NIPBL: variants seen among roughly 807,000 people sequenced by gnomAD.
The protein encoded by NIPBL is NIPBL cohesin loading factor.
Under a neutral mutation model 321.8 loss-of-function variants are expected in NIPBL, and 19 were observed. The observed-to-expected ratio is 0.06, with a 90% CI of 0.04 to 0.09. NIPBL has a LOEUF of 0.09. Among genes scored for constraint, NIPBL ranks in the 10% least tolerant of loss-of-function variants. NIPBL has a pLI of 1.00. For synonymous variants in NIPBL, 1,106 were observed against 1,114.1 expected, an observed-to-expected ratio of 0.99 and a Z score of 0.14; for missense variants, 2,210 against 3,327.0, an observed-to-expected ratio of 0.66 and a Z score of 8.26.
At chr5:36,898,856 G>T (rs1203835203) in intron 1 of NIPBL, among the ~76,000 whole-genome samples, 1 of 151,968 alleles carries the variant, frequency 6.6e-6, no homozygotes, top group Non-Finnish European at 1.5e-5. Flanking sequence ...TTAAAATTTA[G>T]TCTTTAACTT....
chr5:37,015,990 C>T (rs977384738), intron 22 of NIPBL, 48 bp from the exon 23 acceptor site: 1 of 1,600,360 alleles, frequency 6.2e-7, no homozygotes, highest in Non-Finnish European at 8.6e-7. Flanking sequence ...AGATGACTGA[C>T]ATGTGTCACC....
intron 14 of NIPBL, among the ~76,000 whole-genome samples, chr5:37,001,645 A>G (rs1308022474): frequency 6.6e-6 from 1 of 152,142 alleles, no homozygotes; most frequent in African/African-American, 2.4e-5. Flanking sequence ...TAAGTGCTGG[A>G]GATGTAAAAA....
At position 36,985,285 on chromosome 5, in the gene NIPBL, C is replaced by T. The variant is rs372162252; in HGVS notation, c.2105C>T (p.Thr702Ile). 48 of 1,613,442 alleles carry T rather than the reference C, an allele frequency of 3.0e-5. No homozygotes were observed. The East Asian group carries it at 1.0e-3, about 34-fold the overall frequency. The part of the protein sequence containing the change: ...RSETTKSRPE[T>I]PKQKGESRPE... ...GAAACAACAAAATCAAGGCCTGAAA[C>T]CCCAAAGCAAAAGGGTGAAAGCCGG... The change falls in exon 10 of 47, where the codon ACC (threonine) becomes ATC (isoleucine). Residue 702 changes from threonine to isoleucine, a missense_variant. By Grantham distance (89) the Thr-to-Ile change is moderately conservative. Around this residue, in one of 14 missense-constraint regions of NIPBL, gnomAD observed 588 missense variants for 564.1 expected, o/e 1.04. Transcript: ENST00000282516.
rs146267319 is a variant in NIPBL, at chr5:36,915,374, T to A, written c.-80+38196T>A. 2.0e-4 allele frequency among the ~76,000 whole-genome samples: 31 copies of A among 152,280 alleles called. No individual in the cohort carries two copies. The East Asian group carries it at 4.2e-3, about 21-fold the overall frequency. ...ATTTTAAATCTAGTTATAAACAAAG[T>A]CAGTTAACCAGATTCTTCAATGGAC... On this transcript the variant is annotated intron_variant, in intron 1 of 46. Transcript: ENST00000282516.
Position 37,045,477 on chromosome 5 carries a change from G to A in NIPBL, c.6378G>A (p.Glu2126=), listed in dbSNP as rs1435161681. 1.9e-6 allele frequency: 3 copies of A among 1,613,556 alleles called. No homozygotes were observed. The highest frequency in any genetic ancestry group is 1.6e-4 in the Middle Eastern group (1 of 6,062). The change falls in exon 37 of 47, where the codon GAG becomes GAA. Residue 2126 remains glutamate, a synonymous_variant. Coordinates refer to ENST00000282516, the MANE Select transcript of NIPBL (RefSeq NM_133433.4). ...CAAAATTAAAAAGTCAACACCAAGA[G>A]GACCCAAATAACACTTCACTTCTAA... ...AISKLKSQHQ[E]DPNNTSLLTN...
chr5:37,043,301 A>G (rs184012571), intron 34 of NIPBL, among the ~76,000 whole-genome samples: 4 of 152,192 alleles, frequency 2.6e-5, no homozygotes, highest in African/African-American at 9.6e-5. Context: ...AGGCCGAGGC[A>G]GGTGGATCAC....
At chr5:36,901,199 G>A (rs1324145328) in intron 1 of NIPBL, among the ~76,000 whole-genome samples, 1 of 152,080 alleles carries the variant, frequency 6.6e-6, no homozygotes, top group African/African-American at 2.4e-5. Context: ...TGCAGTATTT[G>A]ATTTTTTTGT....
chr5:36,890,786 A>C (rs991338805), intron 1 of NIPBL, among the ~76,000 whole-genome samples: 2 of 152,258 alleles, frequency 1.3e-5, no homozygotes, highest in African/African-American at 4.8e-5. Flanking sequence ...GATATTGTAG[A>C]TTGGAATGTA....
intron 9 of NIPBL, among the ~76,000 whole-genome samples, chr5:36,983,163 T>G (rs972733405): frequency 6.6e-6 from 1 of 151,940 alleles, no homozygotes; most frequent in African/African-American, 2.4e-5. Context: ...TATAAATTCT[T>G]ACCATGTTAG....
intron 34 of NIPBL, 50 bp from the exon 35 acceptor site, chr5:37,044,297 T>C: frequency 6.4e-7 from 1 of 1,554,096 alleles, no homozygotes; most frequent in Admixed American, 1.7e-5. Context: ...CTGTATATAG[T>C]TTCTTTTCAG....
intron 1 of NIPBL, among the ~76,000 whole-genome samples, chr5:36,940,537 G>A (rs1319103886): frequency 1.3e-5 from 2 of 151,874 alleles, no homozygotes. Flanking sequence ...TTCTTCTTCC[G>A]CCTTTGCCTG....
At chr5:37,018,110 T>C (rs929221792) in intron 24 of NIPBL, among the ~76,000 whole-genome samples, 8 of 152,092 alleles carry the variant, frequency 5.3e-5, no homozygotes, top group African/African-American at 1.9e-4. Context: ...CTAACAAAAG[T>C]ACAAATTCTT....
chr5:36,876,946 T>G lies in NIPBL; in HGVS notation c.-312T>G. 2.9e-6 allele frequency: 1 copy of G among 347,928 alleles called. No individual in the cohort carries two copies. The highest frequency in any genetic ancestry group is 5.1e-6 in the Non-Finnish European group (1 of 194,364). The allele number at this position is 347,928 out of a possible 1,614,324, so 21.6% of individuals were successfully genotyped here. ...CGGGCCCGCGGCGATGCCCCCCCGGTAGCTCGGGCCCGTGGTCGGGTGTTT... is the reference window on the plus strand; with the variant it reads ...CGGGCCCGCGGCGATGCCCCCCCGGGAGCTCGGGCCCGTGGTCGGGTGTTT... On this transcript the variant is annotated 5_prime_UTR_variant, in exon 1 of 47. The change abolishes the stop of an existing upstream ORF in the 5' untranslated region. Coordinates refer to ENST00000282516, the MANE Select transcript of NIPBL (RefSeq NM_133433.4).
At chr5:37,031,913 G>A (rs1751067070) in intron 32 of NIPBL, among the ~76,000 whole-genome samples, 1 of 152,148 alleles carries the variant, frequency 6.6e-6, no homozygotes, top group African/African-American at 2.4e-5. Context: ...ATCTATACTG[G>A]AAAAAATCAG....
Position 36,885,209 on chromosome 5 carries a change from AG to A in NIPBL, c.-80+8032del, listed in dbSNP as rs1011131322. ...CTCGCTCTCCTCCCTGGACAGCATGAGCTTCACCACTTGCTCCACCTTCTCC... is the reference window on the plus strand; with the variant it reads ...CTCGCTCTCCTCCCTGGACAGCATGACTTCACCACTTGCTCCACCTTCTCC... On this transcript the variant is annotated intron_variant, in intron 1 of 46. Coordinates refer to ENST00000282516, the MANE Select transcript of NIPBL (RefSeq NM_133433.4). 1.4e-4 allele frequency: 77 copies of A among 533,866 alleles called. No individual in the cohort carries two copies. The African/African-American group carries it at 1.5e-3, about 10-fold the overall frequency. The allele number at this position is 533,866 out of a possible 1,614,324, so 33.1% of individuals were successfully genotyped here. A position where few individuals can be genotyped will look rare whatever the true frequency, so the allele number is the denominator to read the frequency against.
At chr5:36,903,141 G>A (rs546951427) in intron 1 of NIPBL, among the ~76,000 whole-genome samples, 4 of 152,294 alleles carry the variant, frequency 2.6e-5, no homozygotes, top group African/African-American at 9.6e-5. Context: ...TGCTGACGTG[G>A]TTTATCAGAT....
chr5:37,040,435 T>C (rs1430116727), intron 34 of NIPBL, among the ~76,000 whole-genome samples: 1 of 152,162 alleles, frequency 6.6e-6, no homozygotes, highest in African/African-American at 2.4e-5. Context: ...CAGAGGTATA[T>C]ATAAATGGTT....
intron 1 of NIPBL, among the ~76,000 whole-genome samples, chr5:36,933,698 T>G (rs1025971620): frequency 6.6e-5 from 10 of 152,136 alleles, no homozygotes; most frequent in Non-Finnish European, 1.0e-4. Context: ...ATTACCCAAT[T>G]CCATTTAATT....
chr5:36,900,866 G>A (rs1243431465), intron 1 of NIPBL, among the ~76,000 whole-genome samples: 1 of 152,046 alleles, frequency 6.6e-6, no homozygotes, highest in Non-Finnish European at 1.5e-5. Context: ...AAGTTCCAGC[G>A]TAATTCCATC....
Sources: allele counts gnomAD v4.1 joint callset (sites outside exome capture counted in the v4.1 genomes callset), GRCh38; gene constraint gnomAD v4.1.1; regional missense constraint gnomAD v4.1.1; transcripts MANE v1.5; gene names NCBI Gene and HGNC (gene_info 2026-07-23, HGNC 2026-07-21).